Variants in CCDC7 observed in about 807,000 individuals in gnomAD.
CCDC7 encodes the protein coiled-coil domain containing 7.
CCDC7 carries 183 observed loss-of-function variants against 196.9 expected under a neutral mutation model. The observed-to-expected ratio is 0.93, with a 90% CI of 0.82 to 1.05. The LOEUF (loss-of-function observed/expected upper bound fraction) is 1.05, where lower values mean the gene tolerates loss of function less well. Among genes scored for constraint, CCDC7 ranks in the 50% least tolerant of loss-of-function variants. CCDC7 has a pLI of 0.00. For synonymous variants in CCDC7, 525 were observed against 484.6 expected, an observed-to-expected ratio of 1.08 and a Z score of -1.10; for missense variants, 1,540 against 1,482.2, an observed-to-expected ratio of 1.04 and a Z score of -0.64.
chr10:32,642,398 A>C (rs1424639004), intron 20 of CCDC7, among the ~76,000 whole-genome samples: 1 of 152,070 alleles, frequency 6.6e-6, no homozygotes, highest in African/African-American at 2.4e-5. Flanking sequence ...TTGATCTCAG[A>C]CTGCTGTGCT....
At chr10:32,826,344 C>G (rs112816205) in intron 32 of CCDC7, among the ~76,000 whole-genome samples, 24 of 152,184 alleles carry the variant, frequency 1.6e-4, no homozygotes, top group African/African-American at 5.8e-4. Flanking sequence ...AAGATGCCCT[C>G]CTTTTGAGAG....
chr10:32,869,345 C>T (rs1273628203), intron 41 of CCDC7, among the ~76,000 whole-genome samples: 2 of 152,008 alleles, frequency 1.3e-5, no homozygotes, highest in Non-Finnish European at 2.9e-5. Flanking sequence ...TTTCATGTGT[C>T]TGTTGGCTGC....
chr10:32,478,668 G>C (rs2039444887), intron 8 of CCDC7, among the ~76,000 whole-genome samples: 1 of 152,048 alleles, frequency 6.6e-6, no homozygotes, highest in Admixed American at 6.6e-5. Flanking sequence ...TGGTTGTGTT[G>C]TATAGTTCTT....
chr10:32,624,994 T>A (rs2063822940), intron 18 of CCDC7, among the ~76,000 whole-genome samples: 1 of 144,078 alleles, frequency 6.9e-6, no homozygotes, highest in Non-Finnish European at 1.5e-5. Context: ...GTTTTTTTTT[T>A]TTTTTTTTTT....
intron 11 of CCDC7, among the ~76,000 whole-genome samples, chr10:32,528,558 C>A (rs2049031326): frequency 6.6e-6 from 1 of 151,560 alleles, no homozygotes; most frequent in African/African-American, 2.4e-5. Flanking sequence ...CCAAATCTAT[C>A]CAGGTTGCTG....
At chr10:32,461,137 A>G (rs1189926309) in intron 3 of CCDC7, among the ~76,000 whole-genome samples, 4 of 152,168 alleles carry the variant, frequency 2.6e-5, no homozygotes, top group Non-Finnish European at 5.9e-5. Flanking sequence ...AATGGTAAAT[A>G]CTGATATTTT....
intron 24 of CCDC7, among the ~76,000 whole-genome samples, chr10:32,709,685 C>T (rs2080481134): frequency 6.6e-6 from 1 of 152,114 alleles, no homozygotes; most frequent in East Asian, 1.9e-4. Context: ...TGCTGTGTGA[C>T]CCGGTTTCTA....
chr10:32,527,583 G>T (rs543155086), intron 11 of CCDC7, among the ~76,000 whole-genome samples: 2 of 152,264 alleles, frequency 1.3e-5, no homozygotes, highest in East Asian at 3.9e-4. Flanking sequence ...ATTAAAGTCT[G>T]CTGGACCACA....
chr10:32,638,995 TA>T (rs2066197523), intron 20 of CCDC7, among the ~76,000 whole-genome samples: 2 of 152,256 alleles, frequency 1.3e-5, no homozygotes, highest in Non-Finnish European at 2.9e-5. Context: ...CCATTTCTTC[TA>T]GATTTTCTAG....
intron 39 of CCDC7, 35 bp from the exon 41 acceptor site, chr10:32,851,772 A>C: frequency 6.3e-7 from 1 of 1,577,830 alleles, no homozygotes; most frequent in Non-Finnish European, 8.7e-7. Context: ...AATGTCATCT[A>C]TTGTATGGCT....
chr10:32,746,167 T>C (rs1360081157), intron 28 of CCDC7, among the ~76,000 whole-genome samples: 1 of 150,826 alleles, frequency 6.6e-6, no homozygotes, highest in Non-Finnish European at 1.5e-5. Context: ...GCATTGAGAG[T>C]GGACAGAGGG....
intron 14 of CCDC7, among the ~76,000 whole-genome samples, chr10:32,565,870 T>G (rs1192179396): frequency 2.0e-5 from 3 of 152,184 alleles, no homozygotes; most frequent in Non-Finnish European, 4.4e-5. Context: ...TCTATTCATC[T>G]GTCATGGTTG....
chr10:32,593,851 A>G (rs1341667303), intron 18 of CCDC7, among the ~76,000 whole-genome samples: 1 of 152,124 alleles, frequency 6.6e-6, no homozygotes, highest in Non-Finnish European at 1.5e-5. Flanking sequence ...CAAAGATCAG[A>G]TGGTTTTCAA....
intron 7 of CCDC7, 99 bp from the exon 9 acceptor site, chr10:32,473,868 C>T (rs986907909): frequency 1.6e-5 from 18 of 1,130,466 alleles, no homozygotes; most frequent in Non-Finnish European, 2.0e-5. Context: ...TTTCTTTCTT[C>T]TGAATAAGTT....
chr10:32,566,627 T>G (rs1054605768), intron 14 of CCDC7, among the ~76,000 whole-genome samples: 4 of 151,920 alleles, frequency 2.6e-5, no homozygotes, highest in Admixed American at 1.3e-4. Flanking sequence ...TTTAAAAAAT[T>G]TGGCTGGGCA....
At chr10:32,566,621 A>C (rs143593171) in intron 14 of CCDC7, among the ~76,000 whole-genome samples, 180 of 152,150 alleles carry the variant, frequency 1.2e-3, no homozygotes, top group Non-Finnish European at 1.8e-3. Context: ...TAAACATTTA[A>C]AAAATTTGGC....
At chr10:32,626,982 C>T (rs908879202) in intron 18 of CCDC7, among the ~76,000 whole-genome samples, 2 of 150,098 alleles carry the variant, frequency 1.3e-5, no homozygotes, top group Middle Eastern at 3.5e-3. Flanking sequence ...AATCAGGTAA[C>T]GAGATGCCTA....
chr10:32,689,077 A>G (rs2076780072), exon 23 of CCDC7: 2 of 1,603,962 alleles, frequency 1.2e-6, no homozygotes, highest in African/African-American at 2.7e-5. Context: ...CCAAATGAAA[A>G]TCTTATACTT....
At chr10:32,616,947 G>A (rs2062843102) in intron 18 of CCDC7, among the ~76,000 whole-genome samples, 1 of 150,432 alleles carries the variant, frequency 6.6e-6, no homozygotes, top group Non-Finnish European at 1.5e-5. Flanking sequence ...TTTATGTGAT[G>A]TATTTCATTT....
Sources: allele counts gnomAD v4.1 joint callset (sites outside exome capture counted in the v4.1 genomes callset), GRCh38; gene constraint gnomAD v4.1.1; transcripts MANE v1.5; gene names NCBI Gene and HGNC (gene_info 2026-07-23, HGNC 2026-07-21).